ACYP2: variants seen among roughly 807,000 people sequenced by gnomAD.
ACYP2 encodes the protein acylphosphatase 2, also known as acylphosphatase-2.
In ACYP2, 12 loss-of-function variants were observed where a neutral mutation model predicts 11.2. The observed-to-expected ratio is 1.08, with a 90% CI of 0.69 to 1.74. The LOEUF is 1.74. ACYP2 is among the 40% of genes most tolerant of loss of function. The pLI is 0.00. For synonymous variants in ACYP2, 43 were observed against 32.2 expected, an observed-to-expected ratio of 1.33 and a Z score of -1.13; for missense variants, 134 against 101.9, an observed-to-expected ratio of 1.31 and a Z score of -1.35.
intron 2 of ACYP2, among the ~76,000 whole-genome samples, chr2:54,025,753 A>G (rs1674250137): frequency 6.6e-6 from 1 of 152,214 alleles, no homozygotes; most frequent in African/African-American, 2.4e-5. Context: ...ATGGGACTTA[A>G]TTAAACTAAA....
intron 6 of ACYP2, among the ~76,000 whole-genome samples, chr2:54,235,338 G>T (rs1686426711): frequency 6.6e-6 from 1 of 151,548 alleles, no homozygotes; most frequent in South Asian, 2.1e-4. Context: ...AGACTCACAA[G>T]TTTTTTTTGT....
At chr2:54,052,787 G>T (rs754883173) in intron 3 of ACYP2, among the ~76,000 whole-genome samples, 4 of 152,208 alleles carry the variant, frequency 2.6e-5, no homozygotes, top group Non-Finnish European at 5.9e-5. Flanking sequence ...AGAAAAATCA[G>T]TCATTGGGAA....
At chr2:54,034,044 A>C (rs986747706) in intron 2 of ACYP2, among the ~76,000 whole-genome samples, 1 of 152,226 alleles carries the variant, frequency 6.6e-6, no homozygotes, top group African/African-American at 2.4e-5. Context: ...GCAGTGTTAC[A>C]GCTCTTTTAG....
chr2:54,118,702 A>G (rs1679960967), intron 4 of ACYP2, among the ~76,000 whole-genome samples: 1 of 152,236 alleles, frequency 6.6e-6, no homozygotes, highest in Non-Finnish European at 1.5e-5. Context: ...GAAAAGAGAA[A>G]CGTACTATAC....
intron 6 of ACYP2, among the ~76,000 whole-genome samples, chr2:54,220,748 C>G (rs1461080435): frequency 6.6e-6 from 1 of 152,180 alleles, no homozygotes; most frequent in Non-Finnish European, 1.5e-5. Flanking sequence ...TTTGGAATAT[C>G]AGAAATTTTC....
intron 4 of ACYP2, among the ~76,000 whole-genome samples, chr2:54,072,468 T>C (rs1022776933): frequency 2.4e-5 from 3 of 124,726 alleles, no homozygotes; most frequent in East Asian, 7.1e-4. Flanking sequence ...CTTTCTTTCT[T>C]TTTCTTTCTT....
At chr2:54,250,411 T>A (rs868243706) in intron 6 of ACYP2, among the ~76,000 whole-genome samples, 1 of 149,944 alleles carries the variant, frequency 6.7e-6, no homozygotes, top group Non-Finnish European at 1.5e-5. Flanking sequence ...GAGGTAGAGG[T>A]TGCAGTGAGC....
chr2:54,261,158 T>C (rs544550355), intron 6 of ACYP2, among the ~76,000 whole-genome samples: 1 of 152,338 alleles, frequency 6.6e-6, no homozygotes, highest in East Asian at 1.9e-4. Context: ...AGTAGTGATA[T>C]TATTCTTTGA....
chr2:53,973,621 C>T, intron 1 of ACYP2: 1 of 198,164 alleles, frequency 5.0e-6, no homozygotes, highest in East Asian at 1.1e-4. Flanking sequence ...CCACCCCCTG[C>T]CCCCAAAACA....
At chr2:54,216,503 T>C (rs1685564513) in intron 6 of ACYP2, among the ~76,000 whole-genome samples, 1 of 151,992 alleles carries the variant, frequency 6.6e-6, no homozygotes, top group South Asian at 2.1e-4. Context: ...TATATCTCTA[T>C]TGATGAATCT....
intron 6 of ACYP2, among the ~76,000 whole-genome samples, chr2:54,287,911 G>A (rs1326796747): frequency 6.6e-6 from 1 of 151,978 alleles, no homozygotes; most frequent in African/African-American, 2.4e-5. Context: ...AGCACCCACA[G>A]TATTGGGAAC....
intron 4 of ACYP2, among the ~76,000 whole-genome samples, chr2:54,077,893 T>C (rs41385746): frequency 0.36 from 55,045 of 151,972 alleles, 10,977 homozygotes; most frequent in East Asian, 0.68. Context: ...AGTTATGAAA[T>C]GCTAGACTAG....
intron 6 of ACYP2, among the ~76,000 whole-genome samples, chr2:54,222,655 G>A (rs1180536435): frequency 1.3e-5 from 2 of 151,960 alleles, no homozygotes; most frequent in Non-Finnish European, 2.9e-5. Context: ...AATCACTTTA[G>A]CATTCAGAAA....
At chr2:54,291,109 G>T (rs1313318807) in intron 6 of ACYP2, among the ~76,000 whole-genome samples, 1 of 152,182 alleles carries the variant, frequency 6.6e-6, no homozygotes, top group African/African-American at 2.4e-5. Flanking sequence ...AGCTGAGCTT[G>T]CTGAGGTCCC....
intron 6 of ACYP2, among the ~76,000 whole-genome samples, chr2:54,202,141 C>T (rs570549355): frequency 2.0e-5 from 3 of 152,254 alleles, no homozygotes; most frequent in South Asian, 2.1e-4. Context: ...CCAGTTGTTC[C>T]AGTCACCCAG....
chr2:54,158,403 AC>A (rs1174856699), intron 6 of ACYP2, among the ~76,000 whole-genome samples: 1 of 151,588 alleles, frequency 6.6e-6, no homozygotes, highest in East Asian at 1.9e-4. Flanking sequence ...ACGGGGTCTC[AC>A]TGTGTTGCCC....
At chr2:54,237,188 C>G (rs180732703) in intron 6 of ACYP2, among the ~76,000 whole-genome samples, 1 of 152,240 alleles carries the variant, frequency 6.6e-6, no homozygotes, top group East Asian at 1.9e-4. Flanking sequence ...TTTTGGTATC[C>G]ATAGGAGGTC....
chr2:54,009,312 G>A (rs932341317), intron 2 of ACYP2, among the ~76,000 whole-genome samples: 2 of 151,134 alleles, frequency 1.3e-5, no homozygotes, highest in South Asian at 4.2e-4. Flanking sequence ...TAATCCCAGC[G>A]CTTTTGGAGG....
chr2:53,978,686 A>G lies in ACYP2; in HGVS notation c.62+4876A>G, dbSNP rs193066638. On this transcript the variant is annotated intron_variant, in intron 2 of 6. Transcript: ENST00000607452. ...AGATGGCTTGAGCTCAGGAGTTCAC[A>G]ACCAGCCTGGACAACATGACAAAAC... is the stretch of plus-strand genomic sequence containing the variant. 7.3e-4 allele frequency among the ~76,000 whole-genome samples: 111 copies of G among 152,332 alleles called. 1 individual carries two copies. Among genetic ancestry groups the G allele is most frequent in the Admixed American group, 6.9e-3 (106 of 15,304 alleles).
Sources: gnomAD v4.1 joint callset for allele counts (sites outside exome capture counted in the v4.1 genomes callset) on GRCh38, gnomAD v4.1.1 for gene constraint, MANE v1.5 for transcripts, NCBI Gene and HGNC (gene_info 2026-07-23, HGNC 2026-07-21) for gene names.